Variants in KANSL1 observed in about 807,000 individuals in gnomAD.
KANSL1 encodes the protein KAT8 regulatory NSL complex subunit 1.
In KANSL1, 22 loss-of-function variants were observed where a neutral mutation model predicts 103.6. The observed-to-expected ratio is 0.21, with a 90% CI of 0.15 to 0.30. The LOEUF is 0.30. Ranked by LOEUF, KANSL1 falls within the 10% of genes least tolerant of loss-of-function variation. The pLI, the probability that KANSL1 is intolerant of heterozygous loss-of-function variation, is 1.00. For missense variants in KANSL1, 1,337 were observed against 1,399.8 expected (o/e 0.96, Z 0.72); for synonymous variants, 600 against 527.6 (o/e 1.14, Z -1.88).
intron 1 of KANSL1, among the ~76,000 whole-genome samples, chr17:46,178,051 A>C (rs930525643): frequency 1.3e-5 from 2 of 152,228 alleles, no homozygotes; most frequent in Admixed American, 6.5e-5. Flanking sequence ...TGCTGGGATT[A>C]CAGGCATGAG....
upstream of KANSL1, among the ~76,000 whole-genome samples, chr17:46,197,722 T>C: frequency 6.6e-6 from 1 of 152,230 alleles, no homozygotes; most frequent in Non-Finnish European, 1.5e-5. Flanking sequence ...CTGAGTTTGT[T>C]TTCATATACC....
chr17:46,195,765 A>G (rs1292661165), upstream of KANSL1, among the ~76,000 whole-genome samples: 2 of 152,132 alleles, frequency 1.3e-5, no homozygotes, highest in East Asian at 3.9e-4. Context: ...GAGTCTCCCT[A>G]TGTTGCCCAG....
At chr17:46,038,380 T>C in intron 10 of KANSL1, 158 bp downstream of exon 10, 1 of 759,380 alleles carries the variant, frequency 1.3e-6, no homozygotes, top group Non-Finnish European at 2.1e-6. Context: ...TGACTTTGAC[T>C]TAAAAATGGT....
intron 1 of KANSL1, among the ~76,000 whole-genome samples, chr17:46,174,676 T>C (rs1319044046): frequency 6.6e-6 from 1 of 152,226 alleles, no homozygotes; most frequent in Non-Finnish European, 1.5e-5. Flanking sequence ...AAATCATTTA[T>C]TTGTTGCTGT....
At chr17:46,193,532 C>T (rs1410005174), upstream of KANSL1, 1 of 147,684 alleles carries the variant, frequency 6.8e-6, no homozygotes, top group Non-Finnish European at 1.5e-5. Context: ...TCCACCCCGG[C>T]GCGCCGCCAG....
At chr17:46,059,647 A>AGAGAGAGAGAGAGAGAGAGAGAG (rs149985527) in intron 6 of KANSL1, among the ~76,000 whole-genome samples, 2 of 54,830 alleles carry the variant, frequency 3.6e-5, no homozygotes, top group African/African-American at 1.3e-4. Flanking sequence ...AAAAAAAAAA[A>AGAGAGAGAGAGAGAGAGAGAGAG]AGAGAGAGAG....
chr17:46,112,811 T>A (rs1261161550), intron 2 of KANSL1, among the ~76,000 whole-genome samples: 2 of 151,786 alleles, frequency 1.3e-5, no homozygotes, highest in East Asian at 2.0e-4. Context: ...AACCTCCGCC[T>A]CCCAAGTTCA....
At chr17:46,197,394 G>A (rs1170820153), upstream of KANSL1, among the ~76,000 whole-genome samples, 3 of 152,200 alleles carry the variant, frequency 2.0e-5, no homozygotes, top group Admixed American at 2.0e-4. Flanking sequence ...TGTAATCCCA[G>A]CACTCTGGAA....
At chr17:46,068,680 T>C (rs891564831) in intron 4 of KANSL1, among the ~76,000 whole-genome samples, 2 of 152,206 alleles carry the variant, frequency 1.3e-5, no homozygotes, top group Non-Finnish European at 2.9e-5. Context: ...CTAACTATTG[T>C]CTTTAGAGTA....
chr17:46,139,817 A>G (rs2044330744), intron 2 of KANSL1, among the ~76,000 whole-genome samples: 1 of 152,196 alleles, frequency 6.6e-6, no homozygotes, highest in Non-Finnish European at 1.5e-5. Flanking sequence ...CTCAGAATAT[A>G]CTGTCCTTAA....
At chr17:46,154,955 A>G (rs1326068026) in intron 2 of KANSL1, among the ~76,000 whole-genome samples, 1 of 152,206 alleles carries the variant, frequency 6.6e-6, no homozygotes, top group Non-Finnish European at 1.5e-5. Flanking sequence ...AGCCACCACG[A>G]GCAGCCTAAT....
At chr17:46,069,333 G>A (rs1293390797) in intron 4 of KANSL1, among the ~76,000 whole-genome samples, 2 of 152,064 alleles carry the variant, frequency 1.3e-5, no homozygotes, top group East Asian at 1.9e-4. Flanking sequence ...ATGCTTTCAA[G>A]GTAAATATTT....
At chr17:46,053,604 T>C (rs944071257) in intron 6 of KANSL1, among the ~76,000 whole-genome samples, 234 of 152,166 alleles carry the variant, frequency 1.5e-3, no homozygotes, top group African/African-American at 5.1e-3. Context: ...GCTAATATTT[T>C]TGTATTTTTT....
chr17:46,033,474 AACAG>A lies in KANSL1; in HGVS notation c.2667-18_2667-15del. On this transcript the variant is annotated splice_polypyrimidine_tract_variant and intron_variant, in intron 11 of 14. Coordinates refer to ENST00000432791, the MANE Select transcript of KANSL1 (RefSeq NM_015443.4). Reference sequence around the variant, plus strand: ...ACCTCCCGCCAGCTGCAAAACCAAGAACAGACAATCATGAGATGGCAAGCAGGCT... The same window carrying A: ...ACCTCCCGCCAGCTGCAAAACCAAGAACAATCATGAGATGGCAAGCAGGCT... The A allele has an allele frequency of 6.2e-7, 1 of 1,613,438 alleles. No homozygotes were observed. The highest frequency in any genetic ancestry group is 8.5e-7 in the Non-Finnish European group (1 of 1,179,378).
At chr17:46,177,351 G>A (rs2046569684) in intron 1 of KANSL1, among the ~76,000 whole-genome samples, 1 of 150,932 alleles carries the variant, frequency 6.6e-6, no homozygotes, top group Non-Finnish European at 1.5e-5. Flanking sequence ...AGCTACAATT[G>A]CCATAAACCA....
In KANSL1 at chr17:46,030,016, C is replaced by T. The variant is rs2076960838; in HGVS notation, c.*1460G>A. 1 of 151,528 alleles carries T rather than the reference C, an allele frequency of 6.6e-6. No individual in the cohort carries two copies. The allele number at this position is 151,528 out of a possible 1,614,324, so 9.4% of individuals were successfully genotyped here. A position where few individuals can be genotyped will look rare whatever the true frequency, so the allele number is the denominator to read the frequency against. The stretch of plus-strand genomic sequence containing the variant: ...ACAGAATCAAGACATTAACAAAGAT[C>T]AGCTTCTCTGAAGAAAAGCATTTCT... On this transcript the variant is annotated 3_prime_UTR_variant, in exon 15 of 15. Transcript: ENST00000432791.
At chr17:46,092,715 T>TTTG (rs1568438853) in intron 3 of KANSL1, among the ~76,000 whole-genome samples, 11 of 21,616 alleles carry the variant, frequency 5.1e-4, no homozygotes, top group African/African-American at 2.0e-3. Flanking sequence ...TTTTTTTTTT[T>TTTG]GGGGGGGGGG....
Position 46,085,051 on chromosome 17 carries a change from C to T in KANSL1, c.1432-2509G>A, listed in dbSNP as rs577042005. Among the ~76,000 whole-genome samples the T allele has an allele frequency of 9.2e-5, 14 of 152,254 alleles. No homozygotes were observed. In the South Asian group the frequency reaches 2.5e-3, roughly 27 times the overall value. On this transcript the variant is annotated intron_variant, in intron 3 of 14. Transcript: ENST00000432791. ...TTTATTATTCAAATTTTCCCATAAC[C>T]GGTTCCTAAGAACTTTTTTAAAGAT...
At chr17:46,040,116 C>G in intron 7 of KANSL1, 1 of 434,436 alleles carries the variant, frequency 2.3e-6, no homozygotes, top group Non-Finnish European at 4.0e-6. Context: ...AAACAAGACA[C>G]CTTTTTGGTT....
Sources: gnomAD v4.1 joint callset for allele counts (sites outside exome capture counted in the v4.1 genomes callset) on GRCh38, gnomAD v4.1.1 for gene constraint, MANE v1.5 for transcripts, NCBI Gene and HGNC (gene_info 2026-07-23, HGNC 2026-07-21) for gene names.